Variants in SGCZ observed in about 807,000 individuals in gnomAD.
SGCZ encodes the protein sarcoglycan zeta.
SGCZ carries 40 observed loss-of-function variants against 41.3 expected under a neutral mutation model. The observed-to-expected ratio is 0.97, with a 90% confidence interval of 0.75 to 1.26. SGCZ has a LOEUF of 1.26. Ranked by LOEUF, SGCZ falls within the 50% of genes most tolerant of loss-of-function variation. The pLI is 0.00. For missense variants in SGCZ, 552 were observed against 369.8 expected, an observed-to-expected ratio of 1.49 and a Z score of -4.04; for synonymous variants, 206 against 137.5, an observed-to-expected ratio of 1.50 and a Z score of -3.49.
At position 14,236,923 on chromosome 8, in the gene SGCZ, A is replaced by T. The variant is rs548218464; in HGVS notation, c.424+669T>A. 2.0e-5 allele frequency among the ~76,000 whole-genome samples: 3 copies of T among 151,996 alleles called. No individual in the cohort carries two copies. In the East Asian group the frequency reaches 5.8e-4, roughly 29 times the overall value. On this transcript the variant is annotated intron_variant, in intron 4 of 7. Coordinates refer to ENST00000382080, the MANE Select transcript of SGCZ (RefSeq NM_139167.4). Reference sequence around the variant, plus strand: ...AGAAAAAAATTAATACTTCACCATTAATTTATATTAACAACACATAAAGCC... The same window carrying T: ...AGAAAAAAATTAATACTTCACCATTTATTTATATTAACAACACATAAAGCC...
chr8:14,768,828 A>G (rs1170922607), intron 1 of SGCZ, among the ~76,000 whole-genome samples: 1 of 152,026 alleles, frequency 6.6e-6, no homozygotes, highest in East Asian at 2.0e-4. Context: ...ACCACTGTTC[A>G]TGGTACCCAG....
chr8:14,477,940 G>C (rs141900314), intron 2 of SGCZ, among the ~76,000 whole-genome samples: 39 of 152,282 alleles, frequency 2.6e-4, no homozygotes, highest in Non-Finnish European at 4.0e-4. Context: ...ACTCACTAAA[G>C]ATTGTTTAAG....
chr8:14,369,420 G>C (rs1684270026), intron 2 of SGCZ, among the ~76,000 whole-genome samples: 1 of 151,836 alleles, frequency 6.6e-6, no homozygotes, highest in Non-Finnish European at 1.5e-5. Context: ...TCTTTATCAG[G>C]AATGCCAGGA....
At chr8:14,756,998 G>A (rs1026540744) in intron 1 of SGCZ, among the ~76,000 whole-genome samples, 5 of 152,094 alleles carry the variant, frequency 3.3e-5, no homozygotes, top group South Asian at 4.1e-4. Context: ...TCCCAATCAC[G>A]TCTGAATTTT....
rs1032577417 is a variant in SGCZ at position 14,987,529 on chromosome 8, T to G, written c.39+250056A>C. Among the ~76,000 whole-genome samples the G allele has an allele frequency of 3.2e-4, 49 of 151,992 alleles. 1 individual carries two copies. Among genetic ancestry groups the G allele is most frequent in the Non-Finnish European group, 4.3e-4 (29 of 67,866 alleles). ...AAATACTGTAATAGTTGTTGAATAT[T>G]TTACCTGACTCTGCACAGAAATCCC... On this transcript the variant is annotated intron_variant, in intron 1 of 7. Coordinates refer to ENST00000382080, the MANE Select transcript of SGCZ (RefSeq NM_139167.4).
chr8:14,602,224 ACAG>A (rs1805617087), intron 1 of SGCZ, among the ~76,000 whole-genome samples: 1 of 152,180 alleles, frequency 6.6e-6, no homozygotes, highest in Admixed American at 6.5e-5. Context: ...CCTAGGTCAT[ACAG>A]CTGGGGTTTT....
chr8:15,145,473 G>C (rs1403625711), intron 1 of SGCZ, among the ~76,000 whole-genome samples: 1 of 152,058 alleles, frequency 6.6e-6, no homozygotes, highest in Non-Finnish European at 1.5e-5. Context: ...CGGAACTTCT[G>C]TCTTCTTTTT....
At chr8:15,051,334 C>A (rs1332784590) in intron 1 of SGCZ, among the ~76,000 whole-genome samples, 1 of 152,108 alleles carries the variant, frequency 6.6e-6, no homozygotes, top group Non-Finnish European at 1.5e-5. Flanking sequence ...GAAATTTATC[C>A]TTGTTGTTTA....
intron 1 of SGCZ, among the ~76,000 whole-genome samples, chr8:14,937,704 A>G (rs1310472256): frequency 1.4e-4 from 22 of 152,098 alleles, no homozygotes. Flanking sequence ...TTAAATTACA[A>G]TTTTGTTTTA....
At chr8:14,821,311 A>C (rs775853239) in intron 1 of SGCZ, among the ~76,000 whole-genome samples, 4 of 152,044 alleles carry the variant, frequency 2.6e-5, no homozygotes, top group Admixed American at 6.5e-5. Context: ...GAGAGAGGTA[A>C]TTGAGTCAGT....
chr8:15,068,869 G>A (rs933227331), intron 1 of SGCZ, among the ~76,000 whole-genome samples: 4 of 152,114 alleles, frequency 2.6e-5, no homozygotes, highest in African/African-American at 7.2e-5. Flanking sequence ...TGATTTATTT[G>A]AGTCCAACAT....
At chr8:14,825,984 A>C (rs982980706) in intron 1 of SGCZ, among the ~76,000 whole-genome samples, 41 of 151,984 alleles carry the variant, frequency 2.7e-4, no homozygotes, top group African/African-American at 9.9e-4. Flanking sequence ...CATGTGCACA[A>C]TGTGCAGGTT....
intron 1 of SGCZ, among the ~76,000 whole-genome samples, chr8:14,599,795 T>C (rs1805529216): frequency 1.3e-5 from 2 of 152,228 alleles, no homozygotes; most frequent in African/African-American, 4.8e-5. Flanking sequence ...GTTCCCTCTC[T>C]TCAGAGAATC....
chr8:14,779,460 G>A (rs531172197), intron 1 of SGCZ, among the ~76,000 whole-genome samples: 1 of 152,120 alleles, frequency 6.6e-6, no homozygotes, highest in Non-Finnish European at 1.5e-5. Flanking sequence ...GCTGCCATCC[G>A]ACCCTAACCT....
intron 4 of SGCZ, among the ~76,000 whole-genome samples, chr8:14,221,542 G>A (rs995662537): frequency 1.4e-4 from 22 of 152,122 alleles, no homozygotes; most frequent in Non-Finnish European, 2.9e-5. Flanking sequence ...TTGCAGTTTC[G>A]ACATAACAGG....
At chr8:14,924,280 GA>G (rs1799677655) in intron 1 of SGCZ, among the ~76,000 whole-genome samples, 1 of 152,126 alleles carries the variant, frequency 6.6e-6, no homozygotes, top group Non-Finnish European at 1.5e-5. Flanking sequence ...TTCCTGTATA[GA>G]AATGAAGTTT....
At position 14,127,373 on chromosome 8, in the gene SGCZ, G is replaced by C. The variant is rs368629486; in HGVS notation, c.548-19138C>G. Among the ~76,000 whole-genome samples, 8 of 152,106 alleles carry C rather than the reference G, an allele frequency of 5.3e-5. No homozygotes were observed. The East Asian group carries it at 1.3e-3, about 26-fold the overall frequency. ...TACTATAAATGACTGTGTTTTGTCA[G>C]TGGCAAAGCATATGCCAATATGTTA... On this transcript the variant is annotated intron_variant, in intron 5 of 7. Transcript: ENST00000382080.
chr8:14,402,008 T>C (rs1372066293), intron 2 of SGCZ, among the ~76,000 whole-genome samples: 1 of 152,132 alleles, frequency 6.6e-6, no homozygotes, highest in Non-Finnish European at 1.5e-5. Context: ...TATCTCATTG[T>C]GGTTTTGATT....
At chr8:14,577,368 A>T (rs2117247000) in intron 1 of SGCZ, among the ~76,000 whole-genome samples, 2 of 151,864 alleles carry the variant, frequency 1.3e-5, no homozygotes, top group Admixed American at 1.3e-4. Context: ...TGAAATAAGA[A>T]AGAAAAGAAA....
Sources: allele counts gnomAD v4.1 joint callset (sites outside exome capture counted in the v4.1 genomes callset), GRCh38; gene constraint gnomAD v4.1.1; transcripts MANE v1.5; gene names NCBI Gene and HGNC (gene_info 2026-07-23, HGNC 2026-07-21).